Variants in TNS3 observed in about 807,000 individuals in gnomAD.
The protein encoded by TNS3 is tensin 3, also known as tensin-3.
A neutral mutation model predicts 140.9 loss-of-function variants in TNS3; 45 were observed. That is an observed-to-expected ratio of 0.32 (90% CI 0.25 to 0.41). The LOEUF is 0.41. Ranked by LOEUF, TNS3 falls within the 10% of genes least tolerant of loss-of-function variation. The probability of loss-of-function intolerance (pLI) is 1.00; values close to 1 mark genes in which losing one functional copy is unlikely to be tolerated. For synonymous variants in TNS3, 815 were observed against 788.4 expected, an observed-to-expected ratio of 1.03 and a Z score of -0.56; for missense variants, 1,716 against 1,906.7, an observed-to-expected ratio of 0.90 and a Z score of 1.86.
Position 47,425,061 on chromosome 7 carries a change from G to C in TNS3, c.390-877C>G, listed in dbSNP as rs190380878. ...AGGCTGGGTGCGGTGGCTCACGCCT[G>C]TACTCCCAGCACTTTGGGAGGCCAA... is the stretch of plus-strand genomic sequence containing the variant. On this transcript the variant is annotated intron_variant, in intron 9 of 30. Coordinates refer to ENST00000311160, the MANE Select transcript of TNS3 (RefSeq NM_022748.12). Among the ~76,000 whole-genome samples the C allele has an allele frequency of 2.7e-4, 41 of 152,306 alleles. No individual in the cohort carries two copies. In the East Asian group the frequency reaches 7.0e-3, roughly 26 times the overall value.
chr7:47,553,095 G>T (rs1800105038), intron 1 of TNS3, among the ~76,000 whole-genome samples: 1 of 152,234 alleles, frequency 6.6e-6, no homozygotes, highest in Non-Finnish European at 1.5e-5. Context: ...ACTCAGCAAG[G>T]TGAGGAAGCG....
intron 27 of TNS3, 33 bp from the exon 28 acceptor site, chr7:47,283,898 G>C (rs770565781): frequency 1.3e-6 from 2 of 1,535,330 alleles, no homozygotes; most frequent in Non-Finnish European, 1.8e-6. Flanking sequence ...CATGTTAGTT[G>C]CAACTATTGG....
rs1562675398 is a variant in TNS3 at position 47,389,092 on chromosome 7, G to GCA, written c.1024+7707_1024+7708insTG. Among the ~76,000 whole-genome samples the GCA allele has an allele frequency of 3.6e-5, 2 of 55,432 alleles. 1 individual carries two copies. The highest frequency in any genetic ancestry group is 2.4e-4 in the African/African-American group (2 of 8,356). The allele number at this position is 55,432 out of a possible 152,430, so 36.4% of individuals were successfully genotyped here. A position where few individuals can be genotyped will look rare whatever the true frequency, so the allele number is the denominator to read the frequency against. ...AAGAAGAAGAAGAAGAAGAGGAAGAGGAAGAGGAAGCGGAAGCAGAAGAAG... is the reference window on the plus strand; with the variant it reads ...AAGAAGAAGAAGAAGAAGAGGAAGAGCAGAAGAGGAAGCGGAAGCAGAAGAAG... On this transcript the variant is annotated intron_variant, in intron 16 of 30. Transcript: ENST00000311160.
chr7:47,389,081 GA>G lies in TNS3; in HGVS notation c.1024+7718del, dbSNP rs1792311113. On this transcript the variant is annotated intron_variant, in intron 16 of 30. Transcript: ENST00000311160. ...AGAAGAAGAAGAAGAAGAAGAAGAAGAAGAGGAAGAGGAAGAGGAAGCGGAA... is the reference window on the plus strand; with the variant it reads ...AGAAGAAGAAGAAGAAGAAGAAGAAGAGAGGAAGAGGAAGAGGAAGCGGAA... Among the ~76,000 whole-genome samples the G allele has an allele frequency of 2.8e-5, 2 of 71,454 alleles. 1 individual carries two copies. The highest frequency in any genetic ancestry group is 1.5e-4 in the African/African-American group (2 of 13,386). The allele number at this position is 71,454 out of a possible 152,430, so 46.9% of individuals were successfully genotyped here.
chr7:47,376,925 C>A (rs1345836448), intron 16 of TNS3, among the ~76,000 whole-genome samples: 1 of 152,202 alleles, frequency 6.6e-6, no homozygotes, highest in African/African-American at 2.4e-5. Flanking sequence ...TTTCTATCCT[C>A]ACAGTTAGTG....
chr7:47,292,923 A>G lies in TNS3; in HGVS notation c.3773-18T>C. The G allele has an allele frequency of 2.5e-6, 4 of 1,612,386 alleles. No homozygotes were observed. Among genetic ancestry groups the G allele is most frequent in the Non-Finnish European group, 3.4e-6 (4 of 1,178,796 alleles). On this transcript the variant is annotated intron_variant, in intron 25 of 30. Transcript: ENST00000311160. ...CAGGCTCCCTGCAAAGTGGACAGAC[A>G]GCAAACAAGAGTCAACAACTGCTGT...
chr7:47,511,756 T>A (rs1798618361), intron 2 of TNS3, among the ~76,000 whole-genome samples: 2 of 152,120 alleles, frequency 1.3e-5, no homozygotes, highest in African/African-American at 4.8e-5. Context: ...GGAAAATGCC[T>A]CAGCTTCTGG....
At chr7:47,534,004 T>A (rs1166801083) in intron 1 of TNS3, among the ~76,000 whole-genome samples, 1 of 152,188 alleles carries the variant, frequency 6.6e-6, no homozygotes, top group African/African-American at 2.4e-5. Flanking sequence ...CCAAGCGCGG[T>A]GGCTCATGCC....
At chr7:47,478,697 A>G (rs76499196) in intron 4 of TNS3, among the ~76,000 whole-genome samples, 21,738 of 152,064 alleles carry the variant, frequency 0.14, 2,280 homozygotes, top group African/African-American at 0.28. Context: ...TACCTAATAT[A>G]CATATATATT....
chr7:47,419,154 A>G (rs187080153), intron 10 of TNS3, among the ~76,000 whole-genome samples: 4 of 152,382 alleles, frequency 2.6e-5, no homozygotes, highest in South Asian at 4.1e-4. Context: ...TTGCATGGAC[A>G]TAAGGGTCAG....
intron 4 of TNS3, among the ~76,000 whole-genome samples, chr7:47,454,375 A>C (rs2151649793): frequency 6.6e-6 from 1 of 152,312 alleles, no homozygotes; most frequent in South Asian, 2.1e-4. Context: ...ACCCGGAGAC[A>C]CTAAACAGGA....
chr7:47,350,817 C>G (rs1214946514), intron 17 of TNS3, among the ~76,000 whole-genome samples: 2 of 152,210 alleles, frequency 1.3e-5, no homozygotes, highest in Admixed American at 6.5e-5. Context: ...ATGGGCCACA[C>G]TCAAAATGGG....
chr7:47,494,848 G>T (rs966480498), intron 3 of TNS3, among the ~76,000 whole-genome samples: 1 of 152,102 alleles, frequency 6.6e-6, no homozygotes, highest in Non-Finnish European at 1.5e-5. Context: ...CTTTACAAAA[G>T]GGGGGAAGGG....
intron 17 of TNS3, among the ~76,000 whole-genome samples, chr7:47,353,856 G>T (rs543207036): frequency 1.3e-5 from 2 of 152,158 alleles, no homozygotes; most frequent in African/African-American, 4.8e-5. Flanking sequence ...GCAGGGGCCA[G>T]CAGTGTAGCC....
intron 2 of TNS3, among the ~76,000 whole-genome samples, chr7:47,513,479 C>T (rs1798676080): frequency 6.6e-6 from 1 of 152,210 alleles, no homozygotes; most frequent in Non-Finnish European, 1.5e-5. Context: ...CTAAAATAAT[C>T]TAATTTTTAA....
chr7:47,369,773 A>G, intron 16 of TNS3, 152 bp from the exon 17 acceptor site: 1 of 916,328 alleles, frequency 1.1e-6, no homozygotes, highest in South Asian at 1.9e-5. Flanking sequence ...TAACATCACA[A>G]AGTTCTATAT....
chr7:47,549,621 C>T (rs540764905), intron 1 of TNS3, among the ~76,000 whole-genome samples: 5 of 152,270 alleles, frequency 3.3e-5, no homozygotes, highest in South Asian at 2.1e-4. Flanking sequence ...TCCTTACAAA[C>T]GGGCTCACTT....
intron 13 of TNS3, among the ~76,000 whole-genome samples, chr7:47,410,060 CCAA>C (rs1438111925): frequency 6.6e-6 from 1 of 152,140 alleles, no homozygotes; most frequent in Non-Finnish European, 1.5e-5. Flanking sequence ...GGCCCTTCGT[CCAA>C]CGATCCCAGG....
intron 1 of TNS3, among the ~76,000 whole-genome samples, chr7:47,567,451 G>A (rs183577967): frequency 2.6e-5 from 4 of 152,244 alleles, no homozygotes; most frequent in Admixed American, 6.5e-5. Flanking sequence ...TTGGAAGGCC[G>A]AGGCAGATGG....
Sources: allele counts gnomAD v4.1 joint callset (sites outside exome capture counted in the v4.1 genomes callset), GRCh38; gene constraint gnomAD v4.1.1; transcripts MANE v1.5; gene names NCBI Gene and HGNC (gene_info 2026-07-23, HGNC 2026-07-21).